The following SGCZ variants were observed in gnomAD, a reference collection of about 807,000 sequenced individuals.
The protein encoded by SGCZ is sarcoglycan zeta.
In SGCZ, 40 loss-of-function variants were observed where a neutral mutation model predicts 41.3. That is an observed-to-expected ratio of 0.97 (90% confidence interval 0.75 to 1.26). SGCZ has a LOEUF of 1.26. Among genes scored for constraint, SGCZ ranks in the 50% most tolerant of loss-of-function variants. The probability of loss-of-function intolerance (pLI) is 0.00; values close to 1 mark genes in which losing one functional copy is unlikely to be tolerated. For missense variants in SGCZ, 552 were observed against 369.8 expected (o/e 1.49, Z -4.04); for synonymous variants, 206 against 137.5 (o/e 1.50, Z -3.49).
intron 1 of SGCZ, among the ~76,000 whole-genome samples, chr8:15,107,319 A>C (rs548190710): frequency 6.6e-5 from 10 of 152,336 alleles, no homozygotes; most frequent in African/African-American, 1.9e-4. Flanking sequence ...GTTGCAATAT[A>C]ATCCCCAATG....
At chr8:14,156,355 G>C (rs1018227519) in intron 5 of SGCZ, among the ~76,000 whole-genome samples, 3 of 152,196 alleles carry the variant, frequency 2.0e-5, no homozygotes, top group African/African-American at 4.8e-5. Context: ...CAGCTACTCA[G>C]GAGGCTGAGG....
chr8:15,121,252 T>C (rs939457991), intron 1 of SGCZ, among the ~76,000 whole-genome samples: 2 of 152,226 alleles, frequency 1.3e-5, no homozygotes, highest in Admixed American at 1.3e-4. Flanking sequence ...TTCACCCTCA[T>C]CACAATTACC....
Position 15,155,252 on chromosome 8 carries a change from G to T in SGCZ, c.39+82333C>A, listed in dbSNP as rs142919112. Among the ~76,000 whole-genome samples the T allele has an allele frequency of 2.0e-5, 3 of 152,220 alleles. 1 individual carries two copies. The South Asian group carries it at 6.2e-4, about 32-fold the overall frequency. On this transcript the variant is annotated intron_variant, in intron 1 of 7. Transcript: ENST00000382080. ...AGAGGTTGCAGTGAGCTGAGATCAC[G>T]CCATTGCACTCCAGCCTGGGTGACA...
At chr8:14,747,697 G>A (rs889591357) in intron 1 of SGCZ, among the ~76,000 whole-genome samples, 3 of 66,172 alleles carry the variant, frequency 4.5e-5, no homozygotes, top group Non-Finnish European at 6.5e-5. Flanking sequence ...TATTATGTGT[G>A]TGTGTATTTG....
intron 3 of SGCZ, among the ~76,000 whole-genome samples, chr8:14,244,282 T>C (rs1799002569): frequency 2.0e-5 from 3 of 152,014 alleles, no homozygotes; most frequent in Admixed American, 6.6e-5. Context: ...CTCATTCTTC[T>C]TCTTTTTCTT....
intron 1 of SGCZ, among the ~76,000 whole-genome samples, chr8:15,177,622 C>T (rs1338041298): frequency 6.6e-6 from 1 of 152,082 alleles, no homozygotes; most frequent in African/African-American, 2.4e-5. Flanking sequence ...ACTGATGGAA[C>T]AGTAAGGTCA....
intron 2 of SGCZ, among the ~76,000 whole-genome samples, chr8:14,368,952 G>C (rs923629493): frequency 6.6e-6 from 1 of 151,778 alleles, no homozygotes. Flanking sequence ...CTGTCTTTCT[G>C]ATAGGGGTTA....
intron 1 of SGCZ, among the ~76,000 whole-genome samples, chr8:14,636,911 A>G (rs4593538): frequency 0.059 from 9,006 of 151,946 alleles, 330 homozygotes; most frequent in Non-Finnish European, 0.083. Flanking sequence ...AATCTATCAA[A>G]CCTTTTAAAA....
At chr8:14,395,758 G>T (rs1466527975) in intron 2 of SGCZ, among the ~76,000 whole-genome samples, 2 of 152,150 alleles carry the variant, frequency 1.3e-5, no homozygotes, top group African/African-American at 4.8e-5. Flanking sequence ...TGGCAAAGGA[G>T]CTCAGAGCAA....
At chr8:14,111,446 CAAAAA>C (rs1366146736) in intron 5 of SGCZ, among the ~76,000 whole-genome samples, 1 of 151,600 alleles carries the variant, frequency 6.6e-6, no homozygotes, top group East Asian at 1.9e-4. Context: ...ACCATAGAAA[CAAAAA>C]AGAAGGATAG....
intron 2 of SGCZ, among the ~76,000 whole-genome samples, chr8:14,514,696 T>C (rs1451782178): frequency 6.7e-6 from 1 of 149,244 alleles, no homozygotes; most frequent in Non-Finnish European, 1.5e-5. Flanking sequence ...TATATTTACA[T>C]ATATGTACAC....
intron 2 of SGCZ, among the ~76,000 whole-genome samples, chr8:14,427,927 A>G (rs914020132): frequency 6.6e-6 from 1 of 152,126 alleles, no homozygotes; most frequent in African/African-American, 2.4e-5. Context: ...TAGCACTTAC[A>G]TTCTATTAGG....
At chr8:14,212,402 C>T (rs1210665717) in intron 4 of SGCZ, among the ~76,000 whole-genome samples, 2 of 147,440 alleles carry the variant, frequency 1.4e-5, no homozygotes, top group African/African-American at 5.0e-5. Flanking sequence ...AGGCATCAAG[C>T]AGGAGCTTTA....
chr8:14,429,763 A>G (rs898831), intron 2 of SGCZ, among the ~76,000 whole-genome samples: 136,284 of 151,548 alleles, frequency 0.9, 61,570 homozygotes, highest in Non-Finnish European at 0.94. Flanking sequence ...GCATATTTAC[A>G]TTTGTAAACA....
At chr8:14,314,288 T>TA (rs1010767944) in intron 3 of SGCZ, among the ~76,000 whole-genome samples, 4 of 151,918 alleles carry the variant, frequency 2.6e-5, no homozygotes, top group African/African-American at 7.2e-5. Context: ...ATAGTATTAT[T>TA]TTTTTTCCCC....
Position 14,274,293 on chromosome 8 carries a change from A to G in SGCZ, c.337-36614T>C, listed in dbSNP as rs141499883. On this transcript the variant is annotated intron_variant, in intron 3 of 7. Coordinates refer to ENST00000382080, the MANE Select transcript of SGCZ (RefSeq NM_139167.4). ...TTTTGTGGAGTTCACTGGAAATTTC[A>G]AGTGAATCCAACATCTGACAATCTT... Among the ~76,000 whole-genome samples the G allele has an allele frequency of 2.3e-3, 349 of 152,248 alleles. 2 individuals are homozygous for G. Among genetic ancestry groups the G allele is most frequent in the African/African-American group, 8.2e-3 (341 of 41,564 alleles).
At chr8:14,297,700 G>A (rs1441333374) in intron 3 of SGCZ, among the ~76,000 whole-genome samples, 3 of 151,828 alleles carry the variant, frequency 2.0e-5, no homozygotes, top group East Asian at 3.9e-4. Context: ...TACATAAAAA[G>A]CAATAGAACA....
rs561629080 is a variant in SGCZ, at chr8:14,105,913, C to A, written c.620+2250G>T. 8.6e-5 allele frequency among the ~76,000 whole-genome samples: 13 copies of A among 152,038 alleles called. No homozygotes were observed. In the South Asian group the frequency reaches 2.3e-3, roughly 27 times the overall value. The stretch of plus-strand genomic sequence containing the variant: ...AAAACGTTAGAAATAAAAAAAAGTT[C>A]TTTAAGTATAAATTTAAGTAAATTT... On this transcript the variant is annotated intron_variant, in intron 6 of 7. Transcript: ENST00000382080.
At chr8:14,924,595 T>A (rs970222813) in intron 1 of SGCZ, among the ~76,000 whole-genome samples, 46 of 152,158 alleles carry the variant, frequency 3.0e-4, no homozygotes, top group African/African-American at 1.1e-3. Context: ...ATTTCTAGAT[T>A]TTTTAACATG....
Sources: gnomAD v4.1 joint callset for allele counts (sites outside exome capture counted in the v4.1 genomes callset) on GRCh38, gnomAD v4.1.1 for gene constraint, MANE v1.5 for transcripts, NCBI Gene and HGNC (gene_info 2026-07-23, HGNC 2026-07-21) for gene names.